The following AGFG1 variants were observed in gnomAD, a reference collection of about 807,000 sequenced individuals.
The protein encoded by AGFG1 is ArfGAP with FG repeats 1.
In AGFG1, 10 loss-of-function variants were observed where a neutral mutation model predicts 60.6. The observed-to-expected ratio is 0.16, with a 90% CI of 0.10 to 0.28. The LOEUF is 0.28. Ranked by LOEUF, AGFG1 falls within the 10% of genes least tolerant of loss-of-function variation. The pLI, the probability that AGFG1 is intolerant of heterozygous loss-of-function variation, is 1.00. For synonymous variants in AGFG1, 247 were observed against 242.9 expected, an observed-to-expected ratio of 1.02 and a Z score of -0.16; for missense variants, 537 against 676.5, an observed-to-expected ratio of 0.79 and a Z score of 2.29.
chr2:227,484,471 G>A lies in AGFG1; in HGVS notation c.168-7076G>A, dbSNP rs1001750881. 9.9e-5 allele frequency among the ~76,000 whole-genome samples: 15 copies of A among 151,988 alleles called. 1 individual carries two copies. Among genetic ancestry groups the A allele is most frequent in the South Asian group, 2.1e-4 (1 of 4,810 alleles). ...TAAGATTACAGGTGTGAGCCACCGC[G>A]CCTGGCTCATTTAAGTGTTATTGTT... On this transcript the variant is annotated intron_variant, in intron 1 of 12. Coordinates refer to ENST00000310078, the MANE Select transcript of AGFG1 (RefSeq NM_004504.5).
intron 1 of AGFG1, 143 bp downstream of exon 1, chr2:227,472,731 G>A: frequency 3.0e-6 from 3 of 987,440 alleles, no homozygotes; most frequent in South Asian, 2.8e-5. Context: ...GCCGGCTGGC[G>A]GGCGCGGCGT....
rs1345305334 is a variant in AGFG1, at chr2:227,559,073, C to T, written c.*4578C>T. 2.0e-5 allele frequency: 3 copies of T among 152,172 alleles called. No individual in the cohort carries two copies. The highest frequency in any genetic ancestry group is 4.4e-5 in the Non-Finnish European group (3 of 68,022). The allele number at this position is 152,172 out of a possible 1,614,324, so 9.4% of individuals were successfully genotyped here. A position where few individuals can be genotyped will look rare whatever the true frequency, so the allele number is the denominator to read the frequency against. ...ATTTAATCTGCAAAGACCCAAGTAT[C>T]GTGAACCTTGGTTTTAAAAAGTCCA... is the stretch of plus-strand genomic sequence containing the variant. On this transcript the variant is annotated 3_prime_UTR_variant, in exon 13 of 13. Coordinates refer to ENST00000310078, the MANE Select transcript of AGFG1 (RefSeq NM_004504.5).
At chr2:227,525,982 C>A (rs542894386) in intron 5 of AGFG1, among the ~76,000 whole-genome samples, 9 of 152,270 alleles carry the variant, frequency 5.9e-5, no homozygotes, top group Admixed American at 5.9e-4. Context: ...TTAGGAAAGT[C>A]AGAATACATG....
At chr2:227,524,045 G>A (rs1437016270) in intron 4 of AGFG1, 120 bp downstream of exon 4, 2 of 1,002,494 alleles carry the variant, frequency 2.0e-6, no homozygotes, top group Middle Eastern at 2.2e-4. Flanking sequence ...ATGTTCCAAT[G>A]GTTTGTTATA....
chr2:227,479,813 T>C (rs544605098), intron 1 of AGFG1, among the ~76,000 whole-genome samples: 1 of 152,370 alleles, frequency 6.6e-6, no homozygotes, highest in Middle Eastern at 3.4e-3. Flanking sequence ...TGACATTTTT[T>C]ACAACCTTAC....
At chr2:227,480,780 T>G (rs1690434396) in intron 1 of AGFG1, among the ~76,000 whole-genome samples, 2 of 152,202 alleles carry the variant, frequency 1.3e-5, no homozygotes, top group Non-Finnish European at 2.9e-5. Flanking sequence ...GTTAGCCTCC[T>G]GATGAAAGGT....
At chr2:227,532,079 A>G (rs1692179656) in intron 6 of AGFG1, 1 of 1,369,902 alleles carries the variant, frequency 7.3e-7, no homozygotes, top group African/African-American at 1.5e-5. Flanking sequence ...CTTTTCTTTC[A>G]ATTTTCTTTT....
At chr2:227,535,519 A>G (rs2106223251) in intron 8 of AGFG1, among the ~76,000 whole-genome samples, 1 of 152,284 alleles carries the variant, frequency 6.6e-6, no homozygotes, top group Non-Finnish European at 1.5e-5. Flanking sequence ...TGTTATGTTC[A>G]TATATATCTG....
chr2:227,536,856 C>CA, intron 9 of AGFG1, 45 bp from the exon 10 acceptor site: 4 of 1,554,320 alleles, frequency 2.6e-6, no homozygotes, highest in Non-Finnish European at 3.5e-6. Flanking sequence ...ATCTTAAATA[C>CA]AAAATGTATT....
intron 4 of AGFG1, among the ~76,000 whole-genome samples, chr2:227,524,459 T>G (rs1351452899): frequency 1.3e-5 from 2 of 152,224 alleles, no homozygotes; most frequent in Non-Finnish European, 2.9e-5. Flanking sequence ...TTCTACACTT[T>G]ATTATAGTTG....
intron 1 of AGFG1, among the ~76,000 whole-genome samples, chr2:227,484,677 G>GTTTTTTTTTTTTTTTT (rs34405103): frequency 8.6e-6 from 1 of 115,908 alleles, no homozygotes; most frequent in East Asian, 2.5e-4. Context: ...AGATCTCTTA[G>GTTTTTTTTTTTTTTTT]TTTTTTTTTT....
intron 5 of AGFG1, among the ~76,000 whole-genome samples, chr2:227,530,050 A>G (rs922220260): frequency 9.9e-5 from 15 of 152,160 alleles, no homozygotes; most frequent in Admixed American, 3.3e-4. Flanking sequence ...CCTATGATCT[A>G]TCTTCCTGTC....
rs1315375853 is a variant in AGFG1, at chr2:227,555,546, TTTTC to T, written c.*1059_*1062del. On this transcript the variant is annotated 3_prime_UTR_variant, in exon 13 of 13. Transcript: ENST00000310078. ...CTGTGACATTATTGCACCTCAGTTT[TTTTC>T]TTTCTTTTTTTGGGCAAACTGATAT... 2.0e-5 allele frequency: 3 copies of T among 152,608 alleles called. No homozygotes were observed. Among genetic ancestry groups the T allele is most frequent in the South Asian group, 2.1e-4 (1 of 4,832 alleles). 9.5% of individuals were successfully genotyped at this position (152,608 alleles called of 1,614,324 possible). A position where few individuals can be genotyped will look rare whatever the true frequency, so the allele number is the denominator to read the frequency against.
intron 5 of AGFG1, 22 bp from the exon 6 acceptor site, chr2:227,531,069 T>C (rs1158987458): frequency 1.2e-6 from 2 of 1,601,370 alleles, no homozygotes; most frequent in East Asian, 2.2e-5. Flanking sequence ...CATTAACATA[T>C]GTTGTTCCTT....
Position 227,478,327 on chromosome 2 carries a change from G to A in AGFG1, c.167+5739G>A, listed in dbSNP as rs556498655. Among the ~76,000 whole-genome samples, 28 of 151,064 alleles carry A rather than the reference G, an allele frequency of 1.9e-4. No homozygotes were observed. In the South Asian group the frequency reaches 5.9e-3, roughly 32 times the overall value. On this transcript the variant is annotated intron_variant, in intron 1 of 12. Coordinates refer to ENST00000310078, the MANE Select transcript of AGFG1 (RefSeq NM_004504.5). Reference sequence around the variant, plus strand: ...TAATATATATATTTAGCAAGCATAGGTTTTTTTGTTTGTTTGGGTTTTGTT... The same window carrying A: ...TAATATATATATTTAGCAAGCATAGATTTTTTTGTTTGTTTGGGTTTTGTT...
rs1339313135 is a variant in AGFG1, at chr2:227,555,270, G to C, written c.*775G>C. On this transcript the variant is annotated 3_prime_UTR_variant, in exon 13 of 13. Coordinates refer to ENST00000310078, the MANE Select transcript of AGFG1 (RefSeq NM_004504.5). The stretch of plus-strand genomic sequence containing the variant: ...GTAGAAAATTTATTAAAACTACTAT[G>C]ACTGCTACATTCAGGAATATGCCAG... 2 of 152,524 alleles carry C rather than the reference G, an allele frequency of 1.3e-5. No homozygotes were observed. Among genetic ancestry groups the C allele is most frequent in the Non-Finnish European group, 2.9e-5 (2 of 67,996 alleles). The allele number at this position is 152,524 out of a possible 1,614,324, so 9.4% of individuals were successfully genotyped here. A position where few individuals can be genotyped will look rare whatever the true frequency, so the allele number is the denominator to read the frequency against.
In AGFG1 at chr2:227,556,125, A is replaced by G. The variant is rs1692965202; in HGVS notation, c.*1630A>G. 1 of 152,250 alleles carries G rather than the reference A, an allele frequency of 6.6e-6. No individual in the cohort carries two copies. The highest frequency in any genetic ancestry group is 6.5e-5 in the Admixed American group (1 of 15,290). 9.4% of individuals were successfully genotyped at this position (152,250 alleles called of 1,614,324 possible). A position where few individuals can be genotyped will look rare whatever the true frequency, so the allele number is the denominator to read the frequency against. ...TAAAGGTGAAATTGCATACACAGAT[A>G]TGTAGTACATATTTTAAAAGTTTTA... On this transcript the variant is annotated 3_prime_UTR_variant, in exon 13 of 13. Transcript: ENST00000310078.
chr2:227,472,943 G>T (rs1227191873), intron 1 of AGFG1, among the ~76,000 whole-genome samples: 1 of 151,532 alleles, frequency 6.6e-6, no homozygotes, highest in Non-Finnish European at 1.5e-5. Context: ...CCAGCTACCC[G>T]GGGCGCCGGG....
intron 2 of AGFG1, among the ~76,000 whole-genome samples, chr2:227,514,387 T>C (rs1691591473): frequency 6.6e-6 from 1 of 152,064 alleles, no homozygotes; most frequent in South Asian, 2.1e-4. Context: ...TATTTTTTTG[T>C]GTGTGTTCTT....
Sources: allele counts gnomAD v4.1 joint callset (sites outside exome capture counted in the v4.1 genomes callset), GRCh38; gene constraint gnomAD v4.1.1; transcripts MANE v1.5; gene names NCBI Gene and HGNC (gene_info 2026-07-23, HGNC 2026-07-21).